SLC9C1: variants seen among roughly 807,000 people sequenced by gnomAD.
SLC9C1 encodes the protein sodium/hydrogen exchanger 10.
Under a neutral mutation model 140.9 loss-of-function variants are expected in SLC9C1, and 97 were observed. The observed-to-expected ratio is 0.69, with a 90% CI of 0.58 to 0.82. The LOEUF is 0.82. Ranked by LOEUF, SLC9C1 falls within the 40% of genes least tolerant of loss-of-function variation. SLC9C1 has a pLI of 0.00. For missense variants in SLC9C1, 1,340 were observed against 1,389.3 expected, an observed-to-expected ratio of 0.96 and a Z score of 0.56; for synonymous variants, 440 against 442.6, an observed-to-expected ratio of 0.99 and a Z score of 0.07.
intron 6 of SLC9C1, among the ~76,000 whole-genome samples, chr3:112,270,417 T>C (rs2080039592): frequency 6.6e-6 from 1 of 152,258 alleles, no homozygotes; most frequent in Non-Finnish European, 1.5e-5. Context: ...CTTTTATCTT[T>C]TTGATAAAAG....
At position 112,162,913 on chromosome 3, in the gene SLC9C1, G is replaced by T. The variant is rs548382051; in HGVS notation, c.3364+4308C>A. ...ATCCATCTGGTCCTGGACCCTTTTT[G>T]GTTGGTAAGCTATTGATTATTGCCA... On this transcript the variant is annotated intron_variant, in intron 26 of 28. Transcript: ENST00000305815. Among the ~76,000 whole-genome samples the T allele has an allele frequency of 3.1e-3, 419 of 137,076 alleles. 3 individuals carry two copies. Among genetic ancestry groups the T allele is most frequent in the African/African-American group, 0.011 (392 of 35,906 alleles). The allele number at this position is 137,076 out of a possible 152,430, so 89.9% of individuals were successfully genotyped here.
intron 21 of SLC9C1, among the ~76,000 whole-genome samples, chr3:112,181,586 G>A (rs912799392): frequency 1.3e-5 from 2 of 152,122 alleles, no homozygotes; most frequent in East Asian, 3.8e-4. Context: ...TAGTAGGAGG[G>A]AGACCTAAAG....
chr3:112,197,357 G>A (rs920857550), intron 20 of SLC9C1, among the ~76,000 whole-genome samples: 1 of 152,138 alleles, frequency 6.6e-6, no homozygotes, highest in African/African-American at 2.4e-5. Context: ...AATCACAATG[G>A]TTTCCACCTC....
intron 28 of SLC9C1, among the ~76,000 whole-genome samples, chr3:112,147,763 G>A (rs1050030385): frequency 3.9e-5 from 6 of 152,046 alleles, no homozygotes; most frequent in African/African-American, 1.2e-4. Flanking sequence ...TGTTGGGGAC[G>A]TTCATTTTGT....
chr3:112,168,269 G>T (rs2077176425), intron 25 of SLC9C1, among the ~76,000 whole-genome samples: 1 of 150,892 alleles, frequency 6.6e-6, no homozygotes. Context: ...TCTTTTATGT[G>T]CCCTGATTCC....
intron 28 of SLC9C1, among the ~76,000 whole-genome samples, chr3:112,144,343 A>AT (rs1020213425): frequency 3.0e-4 from 45 of 151,456 alleles, no homozygotes; most frequent in African/African-American, 9.9e-4. Flanking sequence ...AAGCCCAGCT[A>AT]TTTTTTTGTA....
chr3:112,255,578 A>T (rs745479065), intron 10 of SLC9C1, among the ~76,000 whole-genome samples: 2 of 152,182 alleles, frequency 1.3e-5, no homozygotes, highest in Non-Finnish European at 2.9e-5. Flanking sequence ...GGACACAGCT[A>T]AGGCAATGTC....
intron 23 of SLC9C1, among the ~76,000 whole-genome samples, chr3:112,171,614 A>G (rs1356826959): frequency 6.6e-6 from 1 of 152,174 alleles, no homozygotes; most frequent in Non-Finnish European, 1.5e-5. Flanking sequence ...AGAGCAGAAG[A>G]TTTTTAATTT....
chr3:112,231,768 G>A (rs1348991179), intron 12 of SLC9C1, among the ~76,000 whole-genome samples: 1 of 152,138 alleles, frequency 6.6e-6, no homozygotes, highest in Non-Finnish European at 1.5e-5. Context: ...ATATGATCAT[G>A]CTTTACACTA....
chr3:112,169,344 G>A lies in SLC9C1; in HGVS notation c.2920-16C>T, dbSNP rs371207483. On this transcript the variant is annotated splice_polypyrimidine_tract_variant and intron_variant, in intron 23 of 28. Transcript: ENST00000305815. ...TAAAACATGTCTGGAAAAGAAGGAT[G>A]TAAATTTGATATTTTATTTTGTGCA... The A allele has an allele frequency of 1.7e-4, 274 of 1,598,038 alleles. No individual in the cohort carries two copies. The highest frequency in any genetic ancestry group is 1.9e-4 in the Non-Finnish European group (222 of 1,173,916).
intron 10 of SLC9C1, among the ~76,000 whole-genome samples, chr3:112,262,023 A>G (rs2079787083): frequency 6.6e-6 from 1 of 152,072 alleles, no homozygotes; most frequent in Non-Finnish European, 1.5e-5. Flanking sequence ...CCAGCAAACC[A>G]TTGATACTAT....
At chr3:112,211,577 A>G (rs540398172) in intron 15 of SLC9C1, among the ~76,000 whole-genome samples, 30 of 152,208 alleles carry the variant, frequency 2.0e-4, no homozygotes, top group Non-Finnish European at 4.1e-4. Context: ...CCTGGCTCGG[A>G]GGGTCCCACG....
chr3:112,155,129 G>T (rs981431646), intron 26 of SLC9C1, 80 bp from the exon 27 acceptor site: 30 of 1,246,974 alleles, frequency 2.4e-5, no homozygotes, highest in Middle Eastern at 1.9e-4. Context: ...TATCAGATTA[G>T]ATCAGATTCA....
chr3:112,228,269 C>T (rs1265204320), intron 13 of SLC9C1, among the ~76,000 whole-genome samples: 6 of 152,006 alleles, frequency 3.9e-5, no homozygotes, highest in Non-Finnish European at 8.8e-5. Flanking sequence ...AACTGATTTT[C>T]GACAAAGCCA....
At chr3:112,269,787 T>C (rs912040536) in intron 7 of SLC9C1, 129 bp downstream of exon 7, 3 of 673,556 alleles carry the variant, frequency 4.5e-6, no homozygotes, top group Non-Finnish European at 6.5e-6. Flanking sequence ...GATAGATTAT[T>C]TTAATAAAAA....
In SLC9C1 at chr3:112,179,672, A is replaced by C. The variant is rs374572957; in HGVS notation, c.2778T>G (p.Ile926Met). 2.2e-4 allele frequency: 358 copies of C among 1,610,502 alleles called. No homozygotes were observed. Among genetic ancestry groups the C allele is most frequent in the Non-Finnish European group, 3.0e-4 (352 of 1,178,828 alleles). The part of the protein sequence containing the change: ...KLEKSKPGLG[I>M]DQMVESKEKD... ...TCTCCTTTGACTCCACCATTTGATC[A>C]ATCCCTAAACCTGGCTTTGATTTTT... is the stretch of plus-strand genomic sequence containing the variant. The change falls in exon 23 of 29, where the codon ATT (isoleucine) becomes ATG (methionine). Residue 926 changes from isoleucine to methionine, a missense_variant. Physicochemically the swap from Ile to Met is conservative, Grantham distance 10 (BLOSUM62 1). Coordinates refer to ENST00000305815, the MANE Select transcript of SLC9C1 (RefSeq NM_183061.3).
At chr3:112,225,541 CA>C (rs1226774648) in intron 13 of SLC9C1, among the ~76,000 whole-genome samples, 3 of 60,736 alleles carry the variant, frequency 4.9e-5, no homozygotes, top group Non-Finnish European at 3.6e-5. Flanking sequence ...ACACACCAAC[CA>C]AAAAAAAAAA....
intron 15 of SLC9C1, among the ~76,000 whole-genome samples, chr3:112,215,716 A>T (rs544667412): frequency 6.6e-6 from 1 of 152,362 alleles, no homozygotes; most frequent in South Asian, 2.1e-4. Flanking sequence ...GGATACAAAC[A>T]AATGGAAGAA....
At chr3:112,156,889 T>A (rs1333654000) in intron 26 of SLC9C1, among the ~76,000 whole-genome samples, 1 of 152,078 alleles carries the variant, frequency 6.6e-6, no homozygotes, top group African/African-American at 2.4e-5. Context: ...GTTTTTGCTA[T>A]TGAATTATGT....
Sources: allele counts gnomAD v4.1 joint callset (sites outside exome capture counted in the v4.1 genomes callset), GRCh38; gene constraint gnomAD v4.1.1; transcripts MANE v1.5; gene names NCBI Gene and HGNC (gene_info 2026-07-23, HGNC 2026-07-21).